SEMA6D: variants seen among roughly 807,000 people sequenced by gnomAD.
SEMA6D encodes semaphorin 6D, also known as semaphorin-6D.
In SEMA6D, 35 loss-of-function variants were observed where a neutral mutation model predicts 106.6. That is an observed-to-expected ratio of 0.33 (90% confidence interval 0.25 to 0.44). The LOEUF is 0.44. SEMA6D is among the 20% of genes least tolerant of loss of function. The pLI, the probability that SEMA6D is intolerant of heterozygous loss-of-function variation, is 1.00. For synonymous variants in SEMA6D, 499 were observed against 487.7 expected, an observed-to-expected ratio of 1.02 and a Z score of -0.31; for missense variants, 1,185 against 1,345.9, an observed-to-expected ratio of 0.88 and a Z score of 1.87.
chr15:47,365,936 G>GAGAA (rs140738988), intron 1 of SEMA6D, among the ~76,000 whole-genome samples: 3 of 148,126 alleles, frequency 2.0e-5, no homozygotes, highest in South Asian at 2.1e-4. Flanking sequence ...AAGAAAGAAA[G>GAGAA]AGAAAGAAAG....
chr15:47,529,236 C>T (rs1366409695), intron 3 of SEMA6D, among the ~76,000 whole-genome samples: 1 of 151,976 alleles, frequency 6.6e-6, no homozygotes, highest in African/African-American at 2.4e-5. Context: ...GTTGAGTAGG[C>T]TGAGGAGGAG....
intron 3 of SEMA6D, among the ~76,000 whole-genome samples, chr15:47,572,418 A>C (rs1043557179): frequency 1.3e-5 from 2 of 152,104 alleles, no homozygotes; most frequent in Non-Finnish European, 1.5e-5. Flanking sequence ...TTTTCCTCCT[A>C]TTGTTGGTGT....
At chr15:47,696,318 A>T (rs189413982) in intron 4 of SEMA6D, among the ~76,000 whole-genome samples, 4 of 152,296 alleles carry the variant, frequency 2.6e-5, no homozygotes, top group African/African-American at 7.2e-5. Context: ...TCACATTGCA[A>T]TTCTGTAAGT....
intron 1 of SEMA6D, among the ~76,000 whole-genome samples, chr15:47,725,221 T>C (rs555525236): frequency 4.6e-5 from 7 of 152,326 alleles, no homozygotes; most frequent in African/African-American, 1.7e-4. Context: ...TTTGAGGCTA[T>C]AGTGCATGCT....
At chr15:47,440,441 G>A (rs2041847629) in intron 2 of SEMA6D, among the ~76,000 whole-genome samples, 1 of 152,030 alleles carries the variant, frequency 6.6e-6, no homozygotes, top group South Asian at 2.1e-4. Flanking sequence ...AGAAATACTG[G>A]GCTGAGGGTT....
At chr15:47,637,564 A>G (rs189943492) in intron 4 of SEMA6D, among the ~76,000 whole-genome samples, 145 of 152,306 alleles carry the variant, frequency 9.5e-4, no homozygotes, top group African/African-American at 3.4e-3. Flanking sequence ...TGTGCTCAGC[A>G]TCGTGTCAGT....
chr15:47,682,324 C>T (rs1413192061), intron 4 of SEMA6D, among the ~76,000 whole-genome samples: 4 of 152,206 alleles, frequency 2.6e-5, no homozygotes, highest in South Asian at 2.1e-4. Context: ...CCCGCCACCG[C>T]GCCTGGCTAA....
chr15:47,321,954 T>G (rs2036940477), intron 1 of SEMA6D, among the ~76,000 whole-genome samples: 1 of 152,188 alleles, frequency 6.6e-6, no homozygotes, highest in African/African-American at 2.4e-5. Context: ...TTAGCACTTT[T>G]GATTGTGAAA....
chr15:47,513,400 C>T (rs1021767407), intron 3 of SEMA6D, among the ~76,000 whole-genome samples: 3 of 152,156 alleles, frequency 2.0e-5, no homozygotes. Flanking sequence ...TATTCCACTA[C>T]ATTTTCCTTG....
intron 2 of SEMA6D, among the ~76,000 whole-genome samples, chr15:47,467,826 C>G (rs2141123746): frequency 6.6e-6 from 1 of 152,252 alleles, no homozygotes; most frequent in South Asian, 2.1e-4. Flanking sequence ...TGTGCCTGCT[C>G]CATTAGGAAG....
chr15:47,347,315 T>C (rs1238589496), intron 1 of SEMA6D, among the ~76,000 whole-genome samples: 1 of 152,228 alleles, frequency 6.6e-6, no homozygotes, highest in African/African-American at 2.4e-5. Context: ...AAACCTCACA[T>C]ACTTGATACT....
chr15:47,722,462 T>TTTTTG (rs1463197035), intron 1 of SEMA6D, among the ~76,000 whole-genome samples: 1 of 152,218 alleles, frequency 6.6e-6, no homozygotes, highest in African/African-American at 2.4e-5. Context: ...TGTCGCTTTT[T>TTTTTG]TTTTGTTTTG....
At chr15:47,695,023 G>A (rs941047439) in intron 4 of SEMA6D, among the ~76,000 whole-genome samples, 3 of 152,126 alleles carry the variant, frequency 2.0e-5, no homozygotes, top group African/African-American at 7.2e-5. Context: ...TTTATTTATT[G>A]AACAGCAACA....
chr15:47,193,504 T>C (rs996229355), intron 1 of SEMA6D, among the ~76,000 whole-genome samples: 1 of 152,170 alleles, frequency 6.6e-6, no homozygotes, highest in African/African-American at 2.4e-5. Flanking sequence ...CCTTATGTTT[T>C]AGCTGTTTGT....
Position 47,772,427 on chromosome 15 carries a change from C to T in SEMA6D, c.*642C>T, listed in dbSNP as rs1225555376. 1 of 145,984 alleles carries T rather than the reference C, an allele frequency of 6.9e-6. No individual in the cohort carries two copies. Among genetic ancestry groups the T allele is most frequent in the Non-Finnish European group, 1.5e-5 (1 of 67,198 alleles). 9.0% of individuals were successfully genotyped at this position (145,984 alleles called of 1,614,324 possible). A position where few individuals can be genotyped will look rare whatever the true frequency, so the allele number is the denominator to read the frequency against. ...CTAGGATTTGTTTAGGTGCCCATTG[C>T]ATCTTTTTGTGCTATGGAGTTGTTT... On this transcript the variant is annotated 3_prime_UTR_variant, in exon 19 of 19. Transcript: ENST00000536845.
At chr15:47,317,109 T>C (rs1312615641) in intron 1 of SEMA6D, among the ~76,000 whole-genome samples, 1 of 152,312 alleles carries the variant, frequency 6.6e-6, no homozygotes, top group East Asian at 1.9e-4. Context: ...TGTATGATTG[T>C]CTATTTTTTC....
At chr15:47,766,322 A>G (rs2082336256) in intron 15 of SEMA6D, 140 bp downstream of exon 15, 1 of 726,418 alleles carries the variant, frequency 1.4e-6, no homozygotes, top group African/African-American at 1.8e-5. Context: ...GAAAACCAGG[A>G]GACGTGACAA....
At chr15:47,497,302 A>T (rs528161681) in intron 3 of SEMA6D, among the ~76,000 whole-genome samples, 11 of 152,122 alleles carry the variant, frequency 7.2e-5, no homozygotes, top group African/African-American at 2.6e-4. Context: ...AACACCAAAC[A>T]AAAAGGAAAA....
At chr15:47,583,614 G>A (rs1382584022) in intron 3 of SEMA6D, among the ~76,000 whole-genome samples, 2 of 152,130 alleles carry the variant, frequency 1.3e-5, no homozygotes, top group East Asian at 3.9e-4. Context: ...GGCATGGCTT[G>A]GCAATAAACA....
Sources: gnomAD v4.1 joint callset for allele counts (sites outside exome capture counted in the v4.1 genomes callset) on GRCh38, gnomAD v4.1.1 for gene constraint, MANE v1.5 for transcripts, NCBI Gene and HGNC (gene_info 2026-07-23, HGNC 2026-07-21) for gene names.